SAMD5: variants seen among roughly 807,000 people sequenced by gnomAD.
SAMD5 encodes the protein sterile alpha motif domain containing 5, also known as sterile alpha motif domain-containing protein 5.
SAMD5 carries 13 observed loss-of-function variants against 11.3 expected under a neutral mutation model. That is an observed-to-expected ratio of 1.15 (90% CI 0.75 to 1.83). SAMD5 has a LOEUF of 1.83. Ranked by LOEUF, SAMD5 falls within the 40% of genes most tolerant of loss-of-function variation. The probability of loss-of-function intolerance (pLI) is 0.00; values close to 1 mark genes in which losing one functional copy is unlikely to be tolerated. For missense variants in SAMD5, 255 were observed against 239.1 expected, an observed-to-expected ratio of 1.07 and a Z score of -0.44; for synonymous variants, 129 against 111.3, an observed-to-expected ratio of 1.16 and a Z score of -1.00.
the SAMD5 span, among the ~76,000 whole-genome samples, chr6:147,807,612 G>A: frequency 6.6e-6 from 1 of 152,138 alleles, no homozygotes; most frequent in African/African-American, 2.4e-5. Flanking sequence ...AAATTGGATA[G>A]TTTGCCCCAC....
the SAMD5 span, among the ~76,000 whole-genome samples, chr6:147,838,604 G>A: frequency 7.1e-6 from 1 of 140,290 alleles, no homozygotes; most frequent in African/African-American, 2.8e-5. Context: ...TTTGTTCCTT[G>A]ATGCAATTTT....
chr6:147,579,239 C>A (rs1349453608), intron 1 of SAMD5, among the ~76,000 whole-genome samples: 1 of 152,168 alleles, frequency 6.6e-6, no homozygotes, highest in Non-Finnish European at 1.5e-5. Flanking sequence ...AAATAAATTC[C>A]TGATACATGC....
At chr6:147,603,809 A>G (rs1583103018) in intron 1 of SAMD5, among the ~76,000 whole-genome samples, 1 of 152,166 alleles carries the variant, frequency 6.6e-6, no homozygotes, top group South Asian at 2.1e-4. Context: ...AACAACAACA[A>G]CAAAAAACAA....
At chr6:147,623,008 C>T (rs1188378674) in intron 1 of SAMD5, among the ~76,000 whole-genome samples, 1 of 152,120 alleles carries the variant, frequency 6.6e-6, no homozygotes, top group Non-Finnish European at 1.5e-5. Context: ...ATTAAATTAC[C>T]TCCCACCAGG....
At chr6:147,734,614 G>GAGGC (rs1791764826) in intron 1 of SAMD5, among the ~76,000 whole-genome samples, 2 of 148,950 alleles carry the variant, frequency 1.3e-5, no homozygotes, top group Non-Finnish European at 3.0e-5. Context: ...TCGGGAGGCT[G>GAGGC]AGGCAGGAGA....
In SAMD5 at chr6:147,565,997, A is replaced by G. The variant is rs1789034479; in HGVS notation, c.*1541A>G. The G allele has an allele frequency of 5.1e-6, 5 of 985,230 alleles. No homozygotes were observed. Among genetic ancestry groups the G allele is most frequent in the Admixed American group, 6.1e-5 (1 of 16,262 alleles). 61.0% of individuals were successfully genotyped at this position (985,230 alleles called of 1,614,324 possible). ...AGAAGAATAAGAAACTCTCAAAGGA[A>G]AAGAAACTTACATTCACTTTTTCCT... On this transcript the variant is annotated 3_prime_UTR_variant, in exon 2 of 2. Transcript: ENST00000367474.
the SAMD5 span, among the ~76,000 whole-genome samples, chr6:147,876,594 CAAAAG>C: frequency 8.5e-5 from 13 of 152,066 alleles, no homozygotes; most frequent in Non-Finnish European, 1.6e-4. Context: ...GGAGAGGAAA[CAAAAG>C]AAAATAAATT....
the SAMD5 span, among the ~76,000 whole-genome samples, chr6:147,934,920 G>A: frequency 0.23 from 35,545 of 151,858 alleles, 4,821 homozygotes; most frequent in African/African-American, 0.36. Flanking sequence ...CCATACAAGG[G>A]GGGAAGTTTG....
intron 1 of SAMD5, among the ~76,000 whole-genome samples, chr6:147,701,721 G>T (rs999146515): frequency 1.3e-5 from 2 of 151,696 alleles, no homozygotes; most frequent in African/African-American, 4.8e-5. Context: ...ATTTTGATTA[G>T]GAACACTTGC....
the SAMD5 span, among the ~76,000 whole-genome samples, chr6:147,910,056 G>A: frequency 2.0e-5 from 3 of 152,200 alleles, no homozygotes; most frequent in African/African-American, 7.2e-5. Flanking sequence ...AGTTTTCATA[G>A]AACTTCAGGA....
chr6:147,748,666 AAG>A, the SAMD5 span, among the ~76,000 whole-genome samples: 1 of 152,166 alleles, frequency 6.6e-6, no homozygotes, highest in South Asian at 2.1e-4. Context: ...ATGTATGAAA[AAG>A]AGAGAGAAGA....
the SAMD5 span, among the ~76,000 whole-genome samples, chr6:147,903,477 A>AT: frequency 6.6e-6 from 1 of 152,216 alleles, no homozygotes; most frequent in East Asian, 1.9e-4. Flanking sequence ...ATGCATGGCC[A>AT]ATGGCATCGT....
intron 1 of SAMD5, among the ~76,000 whole-genome samples, chr6:147,663,172 C>G (rs1325061037): frequency 6.6e-6 from 1 of 152,130 alleles, no homozygotes; most frequent in African/African-American, 2.4e-5. Flanking sequence ...TTACACTGTT[C>G]ATCGGCATCT....
the SAMD5 span, among the ~76,000 whole-genome samples, chr6:147,816,280 C>CAAAAAAAAAAAAAAAAAAA: frequency 7.9e-5 from 1 of 12,730 alleles, no homozygotes; most frequent in African/African-American, 4.4e-4. Flanking sequence ...AACTCCGTCT[C>CAAAAAAAAAAAAAAAAAAA]CAAAAAAAAA....
At chr6:147,834,310 C>T in the SAMD5 span, among the ~76,000 whole-genome samples, 1 of 152,114 alleles carries the variant, frequency 6.6e-6, no homozygotes, top group Non-Finnish European at 1.5e-5. Context: ...AGTTGGGGTG[C>T]ATAGTCAGTC....
the SAMD5 span, among the ~76,000 whole-genome samples, chr6:147,908,008 C>T: frequency 6.6e-6 from 1 of 152,090 alleles, no homozygotes; most frequent in Non-Finnish European, 1.5e-5. Context: ...CTGGTTTTAG[C>T]TCTTCATGGC....
intron 1 of SAMD5, among the ~76,000 whole-genome samples, chr6:147,649,856 AG>A (rs1790458315): frequency 6.6e-6 from 1 of 151,114 alleles, no homozygotes; most frequent in African/African-American, 2.4e-5. Flanking sequence ...CAGCTGGGCA[AG>A]AACATGGCTC....
At chr6:147,553,216 G>A (rs1325522596) in intron 1 of SAMD5, among the ~76,000 whole-genome samples, 1 of 152,184 alleles carries the variant, frequency 6.6e-6, no homozygotes, top group Non-Finnish European at 1.5e-5. Context: ...GGGAACTGAA[G>A]CGGAGAATGG....
chr6:147,774,490 A>G, the SAMD5 span, among the ~76,000 whole-genome samples: 2 of 152,170 alleles, frequency 1.3e-5, no homozygotes, highest in Non-Finnish European at 2.9e-5. Context: ...ATCCTCCCAT[A>G]TATTTTAAAT....
Sources: gnomAD v4.1 joint callset for allele counts (sites outside exome capture counted in the v4.1 genomes callset) on GRCh38, gnomAD v4.1.1 for gene constraint, MANE v1.5 for transcripts, NCBI Gene and HGNC (gene_info 2026-07-23, HGNC 2026-07-21) for gene names.